The following NBEA variants were observed in gnomAD, a reference collection of about 807,000 sequenced individuals.
NBEA encodes neurobeachin.
NBEA carries 44 observed loss-of-function variants against 343.4 expected under a neutral mutation model. The observed-to-expected ratio is 0.13, with a 90% CI of 0.10 to 0.16. NBEA has a LOEUF of 0.16. NBEA is among the 10% of genes least tolerant of loss of function. The pLI, the probability that NBEA is intolerant of heterozygous loss-of-function variation, is 1.00. For missense variants in NBEA, 2,555 were observed against 3,631.3 expected (o/e 0.70, Z 7.62); for synonymous variants, 1,175 against 1,238.7 (o/e 0.95, Z 1.08).
At chr13:35,647,184 T>A (rs1223898859) in intron 51 of NBEA, among the ~76,000 whole-genome samples, 1 of 152,238 alleles carries the variant, frequency 6.6e-6, no homozygotes, top group Non-Finnish European at 1.5e-5. Context: ...CTTCTTTAAG[T>A]AATTTGAAGA....
At position 35,168,990 on chromosome 13, in the gene NBEA, T is replaced by G; in HGVS notation, c.4237T>G (p.Ser1413Ala). The change falls in exon 25 of 59, where the codon TCT (serine) becomes GCT (alanine). Residue 1413 changes from serine to alanine, a missense_variant. Ser to Ala is a moderately conservative substitution (Grantham distance 99, BLOSUM62 1). Coordinates refer to ENST00000379939, the MANE Select transcript of NBEA (RefSeq NM_001385012.1). ...LLSAATSPTG[S>A]KTELENIEVT... ...GTTTTGTCTAATGCATGTCCAGGGT[T>G]CTAAGGTTAGTATTACTTTTGTAGT... 1 of 1,502,082 alleles carries G rather than the reference T, an allele frequency of 6.7e-7. No homozygotes were observed. Among genetic ancestry groups the G allele is most frequent in the South Asian group, 1.4e-5 (1 of 73,276 alleles). The allele number at this position is 1,502,082 out of a possible 1,614,324, so 93.0% of individuals were successfully genotyped here. A position where few individuals can be genotyped will look rare whatever the true frequency, so the allele number is the denominator to read the frequency against.
chr13:35,271,095 T>C (rs1032728966), intron 34 of NBEA, among the ~76,000 whole-genome samples: 13 of 152,198 alleles, frequency 8.5e-5, no homozygotes, highest in African/African-American at 3.1e-4. Flanking sequence ...CATCTCCCAG[T>C]AGGGGCCTAC....
At chr13:35,631,638 T>TTAAAAAA (rs1043794878) in intron 49 of NBEA, among the ~76,000 whole-genome samples, 1 of 126,488 alleles carries the variant, frequency 7.9e-6, no homozygotes, top group African/African-American at 3.1e-5. Flanking sequence ...GTCTCCTTTG[T>TTAAAAAA]AAAAAAAAAA....
At chr13:35,571,807 CTG>C (rs1410674982) in intron 45 of NBEA, among the ~76,000 whole-genome samples, 16 of 152,172 alleles carry the variant, frequency 1.1e-4, no homozygotes, top group Non-Finnish European at 1.8e-4. Flanking sequence ...ATTATCAAAA[CTG>C]TAACATCAAA....
At chr13:35,278,299 G>A (rs944229918) in intron 34 of NBEA, among the ~76,000 whole-genome samples, 3 of 151,856 alleles carry the variant, frequency 2.0e-5, no homozygotes, top group Non-Finnish European at 2.9e-5. Context: ...TAGTTGAAAG[G>A]CAGTTTTAAA....
At chr13:35,304,331 C>CTGTG (rs375468846) in intron 35 of NBEA, among the ~76,000 whole-genome samples, 2,016 of 148,960 alleles carry the variant, frequency 0.014, 32 homozygotes, top group African/African-American at 0.034. Context: ...AAGCAATTCT[C>CTGTG]TGTGTGTGTG....
At position 35,664,667 on chromosome 13, in the gene NBEA, A is replaced by G. The variant is rs74488063; in HGVS notation, c.8363-418A>G. Among the ~76,000 whole-genome samples, 616 of 152,336 alleles carry G rather than the reference A, an allele frequency of 4.0e-3. 5 individuals are homozygous for G. The highest frequency in any genetic ancestry group is 0.014 in the African/African-American group (579 of 41,574). On this transcript the variant is annotated intron_variant, in intron 55 of 58. Coordinates refer to ENST00000379939, the MANE Select transcript of NBEA (RefSeq NM_001385012.1). ...AGCTGTATGAACTTGGGCAAGTTGA[A>G]TCACCTTGCAAAGCCTTGGGTGTCT...
chr13:35,101,098 A>G (rs1454308912), intron 11 of NBEA, among the ~76,000 whole-genome samples: 2 of 151,958 alleles, frequency 1.3e-5, no homozygotes, highest in East Asian at 3.9e-4. Context: ...TTCTCCATTC[A>G]TCAGTTGATA....
chr13:35,623,214 A>T (rs1409925673), intron 48 of NBEA, among the ~76,000 whole-genome samples: 5 of 152,196 alleles, frequency 3.3e-5, no homozygotes, highest in Non-Finnish European at 5.9e-5. Context: ...TTGTACTAAA[A>T]ATCCCGTTTC....
chr13:35,143,533 T>TTA (rs2068213575), intron 18 of NBEA, among the ~76,000 whole-genome samples: 8 of 152,196 alleles, frequency 5.3e-5, no homozygotes, highest in Admixed American at 5.2e-4. Flanking sequence ...TACAAGGGCA[T>TTA]TATAGTCATG....
At chr13:35,117,524 A>T (rs2066559576) in intron 14 of NBEA, 31 bp downstream of exon 14, 14 of 1,068,162 alleles carry the variant, frequency 1.3e-5, no homozygotes, top group Non-Finnish European at 1.7e-5. Flanking sequence ...TTAAAATAAT[A>T]GTATATTAGG....
intron 48 of NBEA, among the ~76,000 whole-genome samples, chr13:35,606,947 ACACT>A (rs1442122869): frequency 2.0e-5 from 3 of 152,208 alleles, no homozygotes; most frequent in African/African-American, 7.2e-5. Flanking sequence ...ACTTATAAAA[ACACT>A]CAGAACAGAA....
Position 35,646,245 on chromosome 13 carries a change from T to A in NBEA, c.7681-14T>A. The A allele has an allele frequency of 6.3e-7, 1 of 1,597,280 alleles. No homozygotes were observed. Among genetic ancestry groups the A allele is most frequent in the Non-Finnish European group, 8.6e-7 (1 of 1,165,750 alleles). On this transcript the variant is annotated splice_polypyrimidine_tract_variant and intron_variant, in intron 50 of 58. Coordinates refer to ENST00000379939, the MANE Select transcript of NBEA (RefSeq NM_001385012.1). ...TGCATATTGATTATGACAATCACCCTCCTTCCCCTGCAGGCCATGGAGGCA... is the reference window on the plus strand; with the variant it reads ...TGCATATTGATTATGACAATCACCCACCTTCCCCTGCAGGCCATGGAGGCA...
At chr13:35,621,275 A>G (rs2082978502) in intron 48 of NBEA, among the ~76,000 whole-genome samples, 1 of 152,148 alleles carries the variant, frequency 6.6e-6, no homozygotes, top group African/African-American at 2.4e-5. Context: ...GGCCTAGAAC[A>G]CTGCCTGGCA....
chr13:35,187,963 C>T (rs2071844625), intron 30 of NBEA, among the ~76,000 whole-genome samples: 1 of 151,822 alleles, frequency 6.6e-6, no homozygotes, highest in Non-Finnish European at 1.5e-5. Context: ...GTGACTGGTA[C>T]CTACTCATTC....
intron 1 of NBEA, among the ~76,000 whole-genome samples, chr13:35,009,168 T>C (rs769096173): frequency 9.2e-5 from 14 of 152,232 alleles, no homozygotes; most frequent in Non-Finnish European, 1.9e-4. Context: ...TGAAACATTA[T>C]TTATTGAATG....
intron 6 of NBEA, among the ~76,000 whole-genome samples, chr13:35,055,766 G>A (rs554521680): frequency 6.6e-6 from 1 of 152,176 alleles, no homozygotes; most frequent in South Asian, 2.1e-4. Context: ...TTGGTATAGT[G>A]GAAGGAACGT....
rs530868961 is a variant in NBEA at position 35,668,981 on chromosome 13, C to T, written c.8813+462C>T. Among the ~76,000 whole-genome samples, 175 of 152,332 alleles carry T rather than the reference C, an allele frequency of 1.1e-3. 2 individuals carry two copies. Among genetic ancestry groups the T allele is most frequent in the Non-Finnish European group, 2.3e-3 (156 of 68,032 alleles). On this transcript the variant is annotated intron_variant, in intron 58 of 58. Transcript: ENST00000379939. ...CCCTTTCAACAGCATGCGGCACTCA[C>T]GCATTACCCAGAACAATTTTTTTAC...
intron 47 of NBEA, among the ~76,000 whole-genome samples, chr13:35,595,001 T>A (rs564618737): frequency 1.6e-3 from 229 of 147,044 alleles, no homozygotes; most frequent in African/African-American, 5.3e-3. Context: ...AAATTGGCTT[T>A]TCAACTTAAT....
Sources: gnomAD v4.1 joint callset for allele counts (sites outside exome capture counted in the v4.1 genomes callset) on GRCh38, gnomAD v4.1.1 for gene constraint, MANE v1.5 for transcripts, NCBI Gene and HGNC (gene_info 2026-07-23, HGNC 2026-07-21) for gene names.